The following TTC3 variants were observed in gnomAD, a reference collection of about 807,000 sequenced individuals.
TTC3 encodes the protein tetratricopeptide repeat domain 3, also known as E3 ubiquitin-protein ligase TTC3.
A neutral mutation model predicts 249.6 loss-of-function variants in TTC3; 180 were observed. That is an observed-to-expected ratio of 0.72 (90% confidence interval 0.64 to 0.82). TTC3 has a LOEUF of 0.82. Among genes scored for constraint, TTC3 ranks in the 40% least tolerant of loss-of-function variants. TTC3 has a pLI of 0.00. For missense variants in TTC3, 2,061 were observed against 2,398.4 expected, an observed-to-expected ratio of 0.86 and a Z score of 2.94; for synonymous variants, 717 against 805.0, an observed-to-expected ratio of 0.89 and a Z score of 1.85.
chr21:37,186,414 T>C (rs1444289215), intron 37 of TTC3, among the ~76,000 whole-genome samples: 1 of 152,212 alleles, frequency 6.6e-6, no homozygotes, highest in African/African-American at 2.4e-5. Flanking sequence ...GGATAGGGAA[T>C]GTTTTATAAA....
At chr21:37,175,952 G>A (rs1285822283) in intron 35 of TTC3, among the ~76,000 whole-genome samples, 1 of 151,938 alleles carries the variant, frequency 6.6e-6, no homozygotes, top group Admixed American at 6.5e-5. Context: ...TGTATTTTTA[G>A]TAGAGATGGG....
intron 22 of TTC3, 82 bp downstream of exon 22, chr21:37,147,685 A>G: frequency 2.0e-6 from 3 of 1,493,130 alleles, no homozygotes; most frequent in Non-Finnish European, 2.7e-6. Context: ...AATTGGAGGC[A>G]CCCAAGTTCT....
At chr21:37,188,464 AATACTCAT>A (rs1569177598) in intron 38 of TTC3, 23 bp from the exon 39 acceptor site, 1 of 1,550,952 alleles carries the variant, frequency 6.4e-7, no homozygotes, top group Admixed American at 1.8e-5. Context: ...TCATTTGTAA[AATACTCAT>A]ATGTCTTCTG....
intron 39 of TTC3, 88 bp from the exon 40 acceptor site, chr21:37,191,246 T>G: frequency 1.2e-6 from 1 of 867,888 alleles, no homozygotes; most frequent in South Asian, 1.9e-5. Flanking sequence ...GTTAAATGTC[T>G]CTTTTGCTCA....
At chr21:37,075,900 T>A (rs1426797224) in intron 1 of TTC3, among the ~76,000 whole-genome samples, 1 of 152,164 alleles carries the variant, frequency 6.6e-6, no homozygotes, top group Non-Finnish European at 1.5e-5. Flanking sequence ...GATGAATGTT[T>A]AAAAAATTTT....
At chr21:37,181,520 A>G (rs545309921) in intron 35 of TTC3, among the ~76,000 whole-genome samples, 5 of 152,352 alleles carry the variant, frequency 3.3e-5, no homozygotes, top group African/African-American at 1.2e-4. Flanking sequence ...ATGACTCAAG[A>G]AATTCAGGAT....
At chr21:37,164,630 G>A (rs1460539354) in intron 32 of TTC3, among the ~76,000 whole-genome samples, 2 of 152,094 alleles carry the variant, frequency 1.3e-5, no homozygotes, top group African/African-American at 2.4e-5. Context: ...GAGCCACCTC[G>A]CCCCGCCCTG....
intron 10 of TTC3, among the ~76,000 whole-genome samples, chr21:37,106,721 C>CA (rs1453640186): frequency 2.0e-5 from 3 of 151,984 alleles, no homozygotes; most frequent in African/African-American, 7.3e-5. Flanking sequence ...CGTGTCTCTA[C>CA]AAAAAAATTC....
intron 6 of TTC3, chr21:37,090,631 G>C (rs1234974290): frequency 2.7e-6 from 2 of 754,636 alleles, no homozygotes; most frequent in East Asian, 2.6e-4. Context: ...GTAATCTCCA[G>C]ATTCAATGTT....
chr21:37,110,304 CT>C (rs1324080808), intron 11 of TTC3, among the ~76,000 whole-genome samples: 1 of 151,092 alleles, frequency 6.6e-6, no homozygotes, highest in Non-Finnish European at 1.5e-5. Context: ...AAGTTAGAAA[CT>C]TTGAAAAAAA....
chr21:37,091,883 A>G (rs1363055784), intron 7 of TTC3, among the ~76,000 whole-genome samples: 1 of 152,130 alleles, frequency 6.6e-6, no homozygotes, highest in Non-Finnish European at 1.5e-5. Flanking sequence ...GCCTGGCCGA[A>G]AAAGAGAATT....
chr21:37,159,292 T>C (rs1391670618), intron 28 of TTC3, among the ~76,000 whole-genome samples: 1 of 118,466 alleles, frequency 8.4e-6, no homozygotes, highest in Admixed American at 9.8e-5. Flanking sequence ...CCTTGCAGAC[T>C]TCAGACTTGA....
chr21:37,138,824 G>T, intron 19 of TTC3, 110 bp downstream of exon 19: 1 of 637,810 alleles, frequency 1.6e-6, no homozygotes, highest in South Asian at 3.5e-5. Context: ...TGATAATTTT[G>T]TCTGAAATAT....
chr21:37,082,763 C>T (rs1175789366), intron 1 of TTC3: 2 of 984,776 alleles, frequency 2.0e-6, no homozygotes, highest in Non-Finnish European at 2.4e-6. Context: ...ACAGTACATT[C>T]CCCCAGAGTG....
At chr21:37,184,309 TAAG>T (rs978732854) in intron 36 of TTC3, among the ~76,000 whole-genome samples, 1 of 152,224 alleles carries the variant, frequency 6.6e-6, no homozygotes, top group Non-Finnish European at 1.5e-5. Context: ...CTGTTAATGA[TAAG>T]AAATTTTTTT....
intron 15 of TTC3, among the ~76,000 whole-genome samples, chr21:37,128,790 C>G: frequency 6.6e-6 from 1 of 152,028 alleles, no homozygotes; most frequent in East Asian, 1.9e-4. Context: ...ATAATGATCA[C>G]TATTATAATT....
chr21:37,093,002 A>G (rs1330115462), intron 7 of TTC3, among the ~76,000 whole-genome samples: 1 of 152,182 alleles, frequency 6.6e-6, no homozygotes, highest in Non-Finnish European at 1.5e-5. Context: ...GAAAGTATTT[A>G]TTTAAAATAT....
intron 28 of TTC3, chr21:37,157,321 G>A: frequency 3.3e-6 from 2 of 603,088 alleles, no homozygotes; most frequent in Admixed American, 3.3e-5. Context: ...AATGGGAAGA[G>A]CCTAGAACTG....
exon 33 of TTC3, chr21:37,165,631 A>G (rs894837022): frequency 1.4e-5 from 23 of 1,614,018 alleles, no homozygotes; most frequent in African/African-American, 2.7e-5. Flanking sequence ...AGTTTTTCCC[A>G]GAAGAAACTC....
Sources: allele counts gnomAD v4.1 joint callset (sites outside exome capture counted in the v4.1 genomes callset), GRCh38; gene constraint gnomAD v4.1.1; transcripts MANE v1.5; gene names NCBI Gene and HGNC (gene_info 2026-07-23, HGNC 2026-07-21).